The following PPP1R13B variants were observed in gnomAD, a reference collection of about 807,000 sequenced individuals.
PPP1R13B encodes apoptosis-stimulating of p53 protein 1.
A neutral mutation model predicts 119.8 loss-of-function variants in PPP1R13B; 44 were observed. The ratio of observed to expected loss-of-function variants is 0.37; its 90% CI spans 0.29 to 0.47. PPP1R13B has a LOEUF of 0.47. Among genes scored for constraint, PPP1R13B ranks in the 20% least tolerant of loss-of-function variants. The pLI is 0.99. For synonymous variants in PPP1R13B, 542 were observed against 561.5 expected, an observed-to-expected ratio of 0.97 and a Z score of 0.49; for missense variants, 1,227 against 1,413.5, an observed-to-expected ratio of 0.87 and a Z score of 2.12.
At chr14:103,812,226 C>A (rs1237366907) in intron 1 of PPP1R13B, among the ~76,000 whole-genome samples, 2 of 148,384 alleles carry the variant, frequency 1.3e-5, no homozygotes, top group South Asian at 4.3e-4. Flanking sequence ...TGGGTTCAAG[C>A]GATTCTCCCG....
rs562183157 is a variant in PPP1R13B, at chr14:103,799,684, GA to G, written c.10-2167del. The stretch of plus-strand genomic sequence containing the variant: ...TCTAGCATCTTAAGACATCATATTG[GA>G]AGGAAATTTTTTTTTCCCCTTTTCC... On this transcript the variant is annotated intron_variant, in intron 1 of 16. Transcript: ENST00000202556. 5.9e-5 allele frequency among the ~76,000 whole-genome samples: 9 copies of G among 151,640 alleles called. No individual in the cohort carries two copies. The South Asian group carries it at 1.9e-3, about 32-fold the overall frequency.
intron 1 of PPP1R13B, among the ~76,000 whole-genome samples, chr14:103,831,372 C>T (rs1426692754): frequency 6.7e-6 from 1 of 148,196 alleles, no homozygotes; most frequent in African/African-American, 2.5e-5. Flanking sequence ...TGCAGTGGTG[C>T]GATCTCAGCT....
chr14:103,782,456 T>G (rs2085359553), intron 3 of PPP1R13B, among the ~76,000 whole-genome samples: 1 of 152,242 alleles, frequency 6.6e-6, no homozygotes, highest in Non-Finnish European at 1.5e-5. Context: ...TATATCATTT[T>G]GTATGTGCCA....
chr14:103,839,225 G>A (rs1022710239), intron 1 of PPP1R13B, among the ~76,000 whole-genome samples: 1 of 152,058 alleles, frequency 6.6e-6, no homozygotes, highest in African/African-American at 2.4e-5. Flanking sequence ...TGTTAGCCAG[G>A]ATGGTCTTGA....
intron 8 of PPP1R13B, among the ~76,000 whole-genome samples, chr14:103,748,780 T>C (rs1266045440): frequency 1.3e-5 from 2 of 152,214 alleles, no homozygotes; most frequent in African/African-American, 4.8e-5. Flanking sequence ...ACTCCCTGCC[T>C]GACTACAGAG....
Position 103,841,500 on chromosome 14 carries a change from G to C in PPP1R13B, c.9+5799C>G, listed in dbSNP as rs186168579. Among the ~76,000 whole-genome samples, 463 of 152,008 alleles carry C rather than the reference G, an allele frequency of 3.0e-3. 2 individuals carry two copies. The highest frequency in any genetic ancestry group is 0.011 in the African/African-American group (449 of 41,440). ...AGCTACTCAGGACGCTGAGGTGGGA[G>C]AATCGCTTGAGCCCTGTAGGCAGAG... On this transcript the variant is annotated intron_variant, in intron 1 of 16. Coordinates refer to ENST00000202556, the MANE Select transcript of PPP1R13B (RefSeq NM_015316.3).
At chr14:103,806,976 T>C (rs943351999) in intron 1 of PPP1R13B, among the ~76,000 whole-genome samples, 5 of 152,206 alleles carry the variant, frequency 3.3e-5, no homozygotes, top group Non-Finnish European at 5.9e-5. Flanking sequence ...AACCTTCCCG[T>C]GGTTTCCTCT....
chr14:103,834,717 A>G (rs777449656), intron 1 of PPP1R13B, among the ~76,000 whole-genome samples: 2 of 149,250 alleles, frequency 1.3e-5, no homozygotes, highest in Non-Finnish European at 3.0e-5. Context: ...CAGCCTCCTG[A>G]GTAACTGGGA....
chr14:103,771,475 CTTTTTTTT>C (rs57795299), intron 4 of PPP1R13B, among the ~76,000 whole-genome samples: 13 of 96,978 alleles, frequency 1.3e-4, no homozygotes, highest in South Asian at 6.3e-4. Context: ...ACTAACACTT[CTTTTTTTT>C]TTTTTTTTTT....
intron 4 of PPP1R13B, among the ~76,000 whole-genome samples, chr14:103,767,955 C>T (rs1236271925): frequency 6.6e-6 from 1 of 152,166 alleles, no homozygotes; most frequent in Non-Finnish European, 1.5e-5. Context: ...TCCAAAAATG[C>T]CCTTTCTTTC....
chr14:103,817,840 A>C (rs1029607888), intron 1 of PPP1R13B, among the ~76,000 whole-genome samples: 9 of 152,034 alleles, frequency 5.9e-5, no homozygotes, highest in African/African-American at 2.2e-4. Context: ...ATCTAACCCA[A>C]GTGTGTCTGA....
In PPP1R13B at chr14:103,738,464, T is replaced by C; in HGVS notation, c.2864+215A>G. 1.5e-6 allele frequency: 1 copy of C among 673,828 alleles called. No individual in the cohort carries two copies. The highest frequency in any genetic ancestry group is 2.0e-5 in the South Asian group (1 of 50,698). 41.7% of individuals were successfully genotyped at this position (673,828 alleles called of 1,614,324 possible). A position where few individuals can be genotyped will look rare whatever the true frequency, so the allele number is the denominator to read the frequency against. On this transcript the variant is annotated intron_variant, in intron 14 of 16. Transcript: ENST00000202556. This position sits in a 1 kb window ranked among gnomAD's most constrained non-coding sequence, Gnocchi z 5.6. ...TTAATGACGAGGCACAGAAAGAGCA[T>C]AACCACAGCCACGTTTTTAACAAAA...
chr14:103,847,082 G>A (rs2087061415), intron 1 of PPP1R13B: 22 of 994,388 alleles, frequency 2.2e-5, no homozygotes, highest in Non-Finnish European at 2.6e-5. Flanking sequence ...GAGCAGGAAG[G>A]GCCCGCAGGC....
intron 2 of PPP1R13B, among the ~76,000 whole-genome samples, chr14:103,788,254 A>G (rs577272513): frequency 7.9e-5 from 12 of 152,260 alleles, no homozygotes; most frequent in Non-Finnish European, 1.2e-4. Context: ...AAACTTCCCT[A>G]GCTTCTTTGG....
In PPP1R13B at chr14:103,793,048, G is replaced by A. The variant is rs760394027; in HGVS notation, c.157+4323C>T. ...GAATGCGCCACTGCACTCCAGCTTG[G>A]GCGACAGGGCGAGACTCTGTCATAG... On this transcript the variant is annotated intron_variant, in intron 2 of 16. Coordinates refer to ENST00000202556, the MANE Select transcript of PPP1R13B (RefSeq NM_015316.3). Among the ~76,000 whole-genome samples the A allele has an allele frequency of 3.5e-4, 52 of 149,022 alleles. 1 individual carries two copies. Among genetic ancestry groups the A allele is most frequent in the Non-Finnish European group, 1.3e-4 (9 of 67,350 alleles).
Position 103,738,194 on chromosome 14 carries a change from C to T in PPP1R13B, c.2865-334G>A, listed in dbSNP as rs139872654. Among the ~76,000 whole-genome samples, 5 of 152,312 alleles carry T rather than the reference C, an allele frequency of 3.3e-5. No homozygotes were observed. Among genetic ancestry groups the T allele is most frequent in the South Asian group, 2.1e-4 (1 of 4,824 alleles). On this transcript the variant is annotated intron_variant, in intron 14 of 16. Transcript: ENST00000202556. This position sits in a 1 kb window ranked among gnomAD's most constrained non-coding sequence, Gnocchi z 5.6. ...ATTTTATGTTATGTGTATTTTACCACGATTCAAATGCAGCACAATGTCAGC... is the reference window on the plus strand; with the variant it reads ...ATTTTATGTTATGTGTATTTTACCATGATTCAAATGCAGCACAATGTCAGC...
At chr14:103,788,692 A>G (rs1037345068) in intron 2 of PPP1R13B, among the ~76,000 whole-genome samples, 4 of 147,442 alleles carry the variant, frequency 2.7e-5, no homozygotes, top group Non-Finnish European at 4.5e-5. Flanking sequence ...AATCAAAGCA[A>G]AAAAAAAAAA....
chr14:103,763,246 T>A, intron 4 of PPP1R13B: 1 of 513,634 alleles, frequency 1.9e-6, no homozygotes, highest in East Asian at 3.4e-5. Flanking sequence ...AGTGGGCCTG[T>A]TGCTTTTCTC....
At chr14:103,775,971 T>C (rs1232272464) in intron 4 of PPP1R13B, among the ~76,000 whole-genome samples, 1 of 152,028 alleles carries the variant, frequency 6.6e-6, no homozygotes, top group Non-Finnish European at 1.5e-5. Context: ...GTATACCACA[T>C]GGCTCTGCAG....
Sources: gnomAD v4.1 joint callset for allele counts (sites outside exome capture counted in the v4.1 genomes callset) on GRCh38, gnomAD v4.1.1 for gene constraint, Gnocchi (gnomAD v3.1) non-coding constraint, MANE v1.5 for transcripts, NCBI Gene and HGNC (gene_info 2026-07-23, HGNC 2026-07-21) for gene names.